Variants in ZFX observed in about 807,000 individuals in gnomAD.
ZFX encodes zinc finger X-chromosomal protein.
For synonymous variants in ZFX, 196 were observed against 226.8 expected, an observed-to-expected ratio of 0.86 and a Z score of 1.22; for missense variants, 362 against 628.3, an observed-to-expected ratio of 0.58 and a Z score of 4.53.
intron 4 of ZFX, chrX:24,177,756 A>G: frequency 1.3e-6 from 1 of 753,973 alleles, no homozygotes; most frequent in Middle Eastern, 7.6e-4. Flanking sequence ...CCAGAACAAA[A>G]AGGGAAGCGT....
chrX:24,179,518 C>T lies in ZFX; in HGVS notation c.394C>T (p.His132Tyr). 2 of 1,212,190 alleles carry T rather than the reference C, an allele frequency of 1.6e-6. No homozygotes were observed. The highest frequency in any genetic ancestry group is 2.2e-6 in the Non-Finnish European group (2 of 895,646). The change falls in exon 5 of 10, where the codon CAC (histidine) becomes TAC (tyrosine). Residue 132 changes from histidine (H) to tyrosine (Y), a missense_variant. Coordinates refer to ENST00000304543, the MANE Select transcript of ZFX (RefSeq NM_003410.4). The stretch of plus-strand genomic sequence containing the variant: ...TTCAGCCTCAATGTCTATGCCAGAA[C>T]ACGTCTTGACGGGTGATTCTATACA... ...ITSASMSMPE[H>Y]VLTGDSIHVS...
rs201718299 is a variant in ZFX at position 24,185,945 on chromosome X, AC to A, written c.646+6176del. On this transcript the variant is annotated intron_variant, in intron 5 of 9. Coordinates refer to ENST00000304543, the MANE Select transcript of ZFX (RefSeq NM_003410.4). ...TGAGACCCTGTTTCTTAAAAAAAAA[AC>A]AACCCCTCCCAAAACCCCCCTAAAA... Among the ~76,000 whole-genome samples the A allele has an allele frequency of 9.8e-3, 1,049 of 107,344 alleles. 4 individuals are homozygous for A. The highest frequency in any genetic ancestry group is 0.019 in the Middle Eastern group (4 of 208). 93.2% of individuals were successfully genotyped at this position (107,344 alleles called of 115,157 possible).
At chrX:24,163,956 G>C (rs1226961895) in intron 3 of ZFX, among the ~76,000 whole-genome samples, 1 of 105,191 alleles carries the variant, frequency 9.5e-6, no homozygotes, top group Non-Finnish European at 1.9e-5. Context: ...TTTCATACAA[G>C]TTGTTTTCTT....
At position 24,172,421 on chromosome X, in the gene ZFX, A is replaced by G. The variant is rs1333583358; in HGVS notation, c.-28-294A>G. 5.4e-5 allele frequency among the ~76,000 whole-genome samples: 6 copies of G among 112,067 alleles called. No individual in the cohort carries two copies. The Admixed American group carries it at 5.7e-4, about 11-fold the overall frequency. On this transcript the variant is annotated intron_variant, in intron 3 of 9. Transcript: ENST00000304543. ...AGTGATTACAAAAGTTTATGTATGT[A>G]TTAGAATTCATCAAGATGTGTGCAC... is the stretch of plus-strand genomic sequence containing the variant.
At chrX:24,190,325 C>T (rs768940697) in intron 5 of ZFX, among the ~76,000 whole-genome samples, 3 of 111,485 alleles carry the variant, frequency 2.7e-5, no homozygotes, top group South Asian at 3.7e-4. Context: ...AGATAAAATT[C>T]GAAAAGTGGT....
At position 24,210,988 on chromosome X, in the gene ZFX, T is replaced by C; in HGVS notation, c.2030T>C (p.Leu677Pro). Reference sequence around the variant, plus strand: ...AAAGGCTTTCACAGGCCTTCAGAACTCAAGAAACACGTGGCTGCCCACAAG... The same window carrying C: ...AAAGGCTTTCACAGGCCTTCAGAACCCAAGAAACACGTGGCTGCCCACAAG... Reference protein sequence around the residue: ...CDKGFHRPSELKKHVAAHKGK... With the variant: ...CDKGFHRPSEPKKHVAAHKGK... The change falls in exon 10 of 10, where the codon CTC (leucine) becomes CCC (proline). Residue 677 changes from leucine to proline, a missense_variant. Leu to Pro is a moderately conservative substitution (Grantham distance 98). Transcript: ENST00000304543. 1 of 1,211,879 alleles carries C rather than the reference T, an allele frequency of 8.3e-7. No individual in the cohort carries two copies.
intron 5 of ZFX, 31 bp downstream of exon 5, chrX:24,179,801 G>GT (rs1935509459): frequency 8.7e-7 from 1 of 1,150,286 alleles, no homozygotes; most frequent in Non-Finnish European, 1.2e-6. Flanking sequence ...ATTGTCAAAG[G>GT]TGTTTTTGTA....
rs765857452 is a variant in ZFX, at chrX:24,208,225, T to C, written c.948T>C (p.Ala316=). ...TTGTAACTTTCTACTTAGATGTTGC[T>C]GAAATCGCTGACGAAGTTTATATGG... The part of the protein sequence containing the change: ...SQPEDEDLNV[A]EIADEVYMEV... The change falls in exon 8 of 10, where the codon GCT becomes GCC. Residue 316 remains alanine, a synonymous_variant. Transcript: ENST00000304543. 6.6e-6 allele frequency: 8 copies of C among 1,211,175 alleles called. No individual in the cohort carries two copies. In the Admixed American group the frequency reaches 1.7e-4, roughly 26 times the overall value.
intron 5 of ZFX, among the ~76,000 whole-genome samples, chrX:24,206,163 C>T (rs1026369852): frequency 8.9e-6 from 1 of 111,738 alleles, no homozygotes; most frequent in Admixed American, 9.6e-5. Context: ...TACATTTAAG[C>T]AGATTGAAGC....
At chrX:24,198,160 T>C (rs760096991) in intron 5 of ZFX, among the ~76,000 whole-genome samples, 1 of 112,292 alleles carries the variant, frequency 8.9e-6, no homozygotes, top group South Asian at 3.7e-4. Context: ...CTAAAACTTA[T>C]TTGTGTATTA....
chrX:24,168,671 C>CTTTTTTTTTTTTTTTTTTTTCT (rs141296315), intron 3 of ZFX, among the ~76,000 whole-genome samples: 1 of 83,268 alleles, frequency 1.2e-5, no homozygotes, highest in African/African-American at 4.6e-5. Flanking sequence ...TTCTTTCTTT[C>CTTTTTTTTTTTTTTTTTTTTCT]TTTTTTTTTT....
intron 3 of ZFX, among the ~76,000 whole-genome samples, chrX:24,162,565 A>G (rs1933464176): frequency 8.9e-6 from 1 of 111,816 alleles, no homozygotes; most frequent in Admixed American, 9.5e-5. Context: ...AATACTTCTA[A>G]TGTTTTACCT....
At position 24,210,601 on chromosome X, in the gene ZFX, A is replaced by G; in HGVS notation, c.1643A>G (p.His548Arg). ...GCAGTCCACAGCAAGAACTTTCCTC[A>G]TATTTGTGTGGAGTGTGGTAAGGGT... The part of the protein sequence containing the change: ...LLAVHSKNFP[H>R]ICVECGKGFR... The change falls in exon 10 of 10, where the codon CAT becomes CGT. Residue 548 changes from histidine to arginine, a missense_variant. Transcript: ENST00000304543. The G allele has an allele frequency of 1.7e-6, 2 of 1,211,833 alleles. No individual in the cohort carries two copies. Among genetic ancestry groups the G allele is most frequent in the Non-Finnish European group, 2.2e-6 (2 of 895,573 alleles).
In ZFX at chrX:24,212,643, T is replaced by C. The variant is rs1044479256; in HGVS notation, c.*1267T>C. 1.8e-5 allele frequency: 2 copies of C among 112,201 alleles called. No homozygotes were observed. The highest frequency in any genetic ancestry group is 6.5e-5 in the African/African-American group (2 of 30,789). The allele number at this position is 112,201 out of a possible 1,213,427, so 9.2% of individuals were successfully genotyped here. A position where few individuals can be genotyped will look rare whatever the true frequency, so the allele number is the denominator to read the frequency against. ...AGAAGCCTGAGAGGGAACTCTGTCT[T>C]ACCTAGTGAGGGGGATGGAAAAGAA... On this transcript the variant is annotated 3_prime_UTR_variant, in exon 10 of 10. Transcript: ENST00000304543.
At chrX:24,176,997 A>G (rs970256896) in intron 4 of ZFX, among the ~76,000 whole-genome samples, 1 of 111,688 alleles carries the variant, frequency 9.0e-6, no homozygotes, top group African/African-American at 3.3e-5. Flanking sequence ...CAGTGGCTCA[A>G]TCTCGGCTTA....
At chrX:24,180,675 G>A (rs1205937628) in intron 5 of ZFX, among the ~76,000 whole-genome samples, 2 of 111,718 alleles carry the variant, frequency 1.8e-5, no homozygotes, top group African/African-American at 6.5e-5. Context: ...GAGGTATCAC[G>A]CTGCTACTTA....
chrX:24,189,751 A>G (rs778410039), intron 5 of ZFX, among the ~76,000 whole-genome samples: 1 of 111,439 alleles, frequency 9.0e-6, no homozygotes, highest in South Asian at 3.8e-4. Flanking sequence ...CCAAACTCCT[A>G]TCTTTAATGT....
At position 24,179,287 on chromosome X, in the gene ZFX, G is replaced by C; in HGVS notation, c.163G>C (p.Val55Leu). The C allele has an allele frequency of 8.3e-7, 1 of 1,211,773 alleles. No homozygotes were observed. The highest frequency in any genetic ancestry group is 1.1e-6 in the Non-Finnish European group (1 of 895,496). ...TTCAGACATAACTGTGCATAACTTT[G>C]TTCCTGATGACCCAGATTCAGTTGT... is the stretch of plus-strand genomic sequence containing the variant. Reference protein sequence around the residue: ...VDSDITVHNFVPDDPDSVVIQ... With the variant: ...VDSDITVHNFLPDDPDSVVIQ... Residue 55 changes from valine to leucine, a missense_variant, in exon 5 of 10, where the codon GTT (valine) becomes CTT (leucine). Transcript: ENST00000304543.
chrX:24,168,576 T>C (rs1439139755), intron 3 of ZFX, among the ~76,000 whole-genome samples: 2 of 110,653 alleles, frequency 1.8e-5, no homozygotes, highest in Non-Finnish European at 3.8e-5. Flanking sequence ...TAGGATGATA[T>C]TGCTTTAAAG....
Sources: gnomAD v4.1 joint callset for allele counts (sites outside exome capture counted in the v4.1 genomes callset) on GRCh38, gnomAD v4.1.1 for gene constraint, MANE v1.5 for transcripts, NCBI Gene and HGNC (gene_info 2026-07-23, HGNC 2026-07-21) for gene names.